GNAS: variants seen among roughly 807,000 people sequenced by gnomAD.
GNAS encodes the protein protein ALEX.
Under a neutral mutation model 54.5 loss-of-function variants are expected in GNAS, and 8 were observed. The ratio of observed to expected loss-of-function variants is 0.15; its 90% CI spans 0.09 to 0.26. GNAS has a LOEUF of 0.26. Ranked by LOEUF, GNAS falls within the 10% of genes least tolerant of loss-of-function variation. GNAS has a pLI of 1.00. For missense variants in GNAS, 170 were observed against 529.8 expected (o/e 0.32, Z 6.67); for synonymous variants, 204 against 191.4 (o/e 1.07, Z -0.54).
intron 6 of GNAS, chr20:58,908,920 G>A (rs566105991): frequency 2.6e-5 from 16 of 604,356 alleles, no homozygotes; most frequent in African/African-American, 1.1e-4. Context: ...GCTGCTAGAC[G>A]CATCTAGAGT....
intron 1 of GNAS, chr20:58,895,402 G>T (rs1408044617): frequency 1.8e-6 from 1 of 567,798 alleles, no homozygotes; most frequent in Non-Finnish European, 3.2e-6. Flanking sequence ...TTTGTTATTT[G>T]GATGGTGAAA....
chr20:58,840,280 C>T (rs1329283684), upstream of GNAS: 2 of 1,612,100 alleles, frequency 1.2e-6, no homozygotes, highest in Admixed American at 1.7e-5. The surrounding 1 kb of genome is among the most constrained non-coding windows in gnomAD (Gnocchi z 6.0). Flanking sequence ...GCGCGGCTGC[C>T]CAACAGCGCC....
intron 2 of GNAS, 126 bp from the exon 3 acceptor site, chr20:58,898,815 G>GGCTGGCGC (rs1487431541): frequency 2.3e-6 from 2 of 862,686 alleles, no homozygotes; most frequent in Non-Finnish European, 4.0e-6. Context: ...GAGGATGGAT[G>GGCTGGCGC]GCTGGCGCGC....
At chr20:58,899,745 G>A (rs1051969809) in intron 3 of GNAS, among the ~76,000 whole-genome samples, 3 of 151,634 alleles carry the variant, frequency 2.0e-5, no homozygotes, top group East Asian at 1.9e-4. Context: ...ACACACACAC[G>A]CATGCCAGGT....
intron 1 of GNAS, chr20:58,854,075 G>T (rs1290398674): frequency 6.2e-7 from 1 of 1,611,916 alleles, no homozygotes; most frequent in South Asian, 1.1e-5. Flanking sequence ...CTCCCGCCGC[G>T]AACGCGCCTC....
chr20:58,844,664 C>T (rs1187569915), intron 1 of GNAS, among the ~76,000 whole-genome samples: 1 of 139,854 alleles, frequency 7.2e-6, no homozygotes, highest in Non-Finnish European at 1.5e-5. Context: ...TGGGGTTGTC[C>T]AATTTGACTC....
chr20:58,859,929 G>T (rs1310671859), intron 1 of GNAS, among the ~76,000 whole-genome samples: 1 of 152,160 alleles, frequency 6.6e-6, no homozygotes, highest in African/African-American at 2.4e-5. Flanking sequence ...CGGCCATAAG[G>T]CACTTTTACT....
intron 1 of GNAS, among the ~76,000 whole-genome samples, chr20:58,849,584 C>T (rs911607059): frequency 6.6e-6 from 1 of 152,224 alleles, no homozygotes; most frequent in Admixed American, 6.5e-5. Flanking sequence ...TCTGCCATGT[C>T]TAAAACCAAA....
At chr20:58,872,889 T>A (rs1317137737) in intron 1 of GNAS, among the ~76,000 whole-genome samples, 3 of 152,150 alleles carry the variant, frequency 2.0e-5, no homozygotes, top group African/African-American at 4.8e-5. Flanking sequence ...AGAAAAAAAA[T>A]AAAATCAAAA....
chr20:58,883,483 C>T (rs993779247), intron 1 of GNAS, among the ~76,000 whole-genome samples: 3 of 152,174 alleles, frequency 2.0e-5, no homozygotes, highest in Non-Finnish European at 4.4e-5. Flanking sequence ...CATAAAAAAT[C>T]TCCTTTTCAT....
In GNAS at chr20:58,855,340, C is replaced by T. The variant is rs753719910; in HGVS notation, c.43+14454C>T. 5.8e-6 allele frequency: 9 copies of T among 1,560,542 alleles called. 1 individual carries two copies. The highest frequency in any genetic ancestry group is 1.9e-5 in the Admixed American group (1 of 52,436). On this transcript the variant is annotated intron_variant, in intron 1 of 12. Coordinates refer to the GNAS transcript ENST00000306090. ...CACCGCCTGCTGCTTCTAGGTAATGCGGCGGACTCTGCCTGCGGGCAGCAG... is the reference window on the plus strand; with the variant it reads ...CACCGCCTGCTGCTTCTAGGTAATGTGGCGGACTCTGCCTGCGGGCAGCAG...
chr20:58,890,938 C>T (rs1354680532), upstream of GNAS: 2 of 152,034 alleles, frequency 1.3e-5, no homozygotes, highest in Admixed American at 6.5e-5. Context: ...TTCCTAAGTC[C>T]GGGCGCGCGC....
chr20:58,894,022 T>C (rs2089792698), intron 1 of GNAS, among the ~76,000 whole-genome samples: 2 of 152,230 alleles, frequency 1.3e-5, no homozygotes, highest in Non-Finnish European at 2.9e-5. Context: ...ACACAATATT[T>C]TGCATTTTTA....
chr20:58,885,242 A>G (rs1262015547), intron 1 of GNAS, among the ~76,000 whole-genome samples: 1 of 152,136 alleles, frequency 6.6e-6, no homozygotes, highest in Non-Finnish European at 1.5e-5. Context: ...TCTCTCACAG[A>G]TGGTGCCTCC....
upstream of GNAS, chr20:58,840,198 C>G (rs1449469660): frequency 6.2e-7 from 1 of 1,611,306 alleles, no homozygotes; most frequent in Non-Finnish European, 8.5e-7. The surrounding 1 kb of genome is among the most constrained non-coding windows in gnomAD (Gnocchi z 6.0). Context: ...GCAGCCACCG[C>G]GCTCCTCTGG....
chr20:58,889,203 G>A, upstream of GNAS: 2 of 1,206,094 alleles, frequency 1.7e-6, no homozygotes, highest in East Asian at 9.4e-5. Flanking sequence ...CCGCGGAGCG[G>A]GCTGCGTCAG....
chr20:58,897,485 C>T (rs1382574146), intron 2 of GNAS: 1 of 152,168 alleles, frequency 6.6e-6, no homozygotes, highest in East Asian at 1.9e-4. Context: ...GATGCAGCAG[C>T]CACTGTTTAC....
intron 6 of GNAS, among the ~76,000 whole-genome samples, chr20:58,905,806 T>G (rs910899844): frequency 6.6e-6 from 1 of 152,256 alleles, no homozygotes; most frequent in Non-Finnish European, 1.5e-5. Flanking sequence ...GAAATAGGGC[T>G]GTGCTCACAT....
At chr20:58,844,837 C>T (rs909234220) in intron 1 of GNAS, among the ~76,000 whole-genome samples, 1 of 151,760 alleles carries the variant, frequency 6.6e-6, no homozygotes, top group South Asian at 2.1e-4. Context: ...CAACAAAAAA[C>T]CCCGAAAAAC....
Sources: gnomAD v4.1 joint callset for allele counts (sites outside exome capture counted in the v4.1 genomes callset) on GRCh38, gnomAD v4.1.1 for gene constraint, Gnocchi (gnomAD v3.1) non-coding constraint, MANE v1.5 for transcripts, NCBI Gene and HGNC (gene_info 2026-07-23, HGNC 2026-07-21) for gene names.